AGPS: variants seen among roughly 807,000 people sequenced by gnomAD.
AGPS encodes alkyldihydroxyacetonephosphate synthase, peroxisomal.
AGPS carries 26 observed loss-of-function variants against 90.7 expected under a neutral mutation model. That is an observed-to-expected ratio of 0.29 (90% confidence interval 0.21 to 0.40). The LOEUF is 0.40. Among genes scored for constraint, AGPS ranks in the 10% least tolerant of loss-of-function variants. The probability of loss-of-function intolerance (pLI) is 1.00; values close to 1 mark genes in which losing one functional copy is unlikely to be tolerated. For missense variants in AGPS, 540 were observed against 816.1 expected (o/e 0.66, Z 4.12); for synonymous variants, 294 against 285.3 (o/e 1.03, Z -0.31).
chr2:177,487,149 C>T (rs1175300017), intron 11 of AGPS, among the ~76,000 whole-genome samples: 1 of 151,578 alleles, frequency 6.6e-6, no homozygotes, highest in East Asian at 1.9e-4. Flanking sequence ...AAAGGAAAAC[C>T]GAGTGTTAAA....
intron 1 of AGPS, among the ~76,000 whole-genome samples, 171 bp from the exon 2 acceptor site, chr2:177,420,097 TC>T (rs1685902794): frequency 6.6e-6 from 1 of 151,872 alleles, no homozygotes; most frequent in African/African-American, 2.4e-5. Context: ...GATTCTATAT[TC>T]AGAAATATTA....
chr2:177,436,058 C>G, intron 3 of AGPS, among the ~76,000 whole-genome samples: 1 of 148,318 alleles, frequency 6.7e-6, no homozygotes. Flanking sequence ...TAAAGCAGCT[C>G]TATAAAAATG....
At chr2:177,432,798 G>T (rs912140998) in intron 2 of AGPS, among the ~76,000 whole-genome samples, 17 of 152,162 alleles carry the variant, frequency 1.1e-4, no homozygotes, top group Non-Finnish European at 2.4e-4. Context: ...TGGCATCAGG[G>T]TCTGCTTCTG....
At chr2:177,439,245 C>T (rs572048453) in intron 5 of AGPS, among the ~76,000 whole-genome samples, 1 of 152,116 alleles carries the variant, frequency 6.6e-6, no homozygotes, top group Non-Finnish European at 1.5e-5. Flanking sequence ...AAGTGCCATA[C>T]AATTTACCGA....
At chr2:177,449,429 G>A (rs1686870622) in intron 8 of AGPS, among the ~76,000 whole-genome samples, 3 of 152,020 alleles carry the variant, frequency 2.0e-5, no homozygotes, top group South Asian at 4.1e-4. Context: ...GGTTTGTTTT[G>A]TTTTGTTTTT....
intron 14 of AGPS, among the ~76,000 whole-genome samples, chr2:177,503,794 C>A (rs1448197759): frequency 6.6e-6 from 1 of 150,910 alleles, no homozygotes; most frequent in Non-Finnish European, 1.5e-5. Context: ...CAGACTGACT[C>A]TACTTCTTTG....
At chr2:177,442,081 A>G (rs1262473676) in intron 6 of AGPS, among the ~76,000 whole-genome samples, 3 of 152,146 alleles carry the variant, frequency 2.0e-5, no homozygotes, top group Non-Finnish European at 4.4e-5. Flanking sequence ...TCTCCATGGT[A>G]ATTATCTGCT....
chr2:177,531,726 A>C (rs1305245977), intron 19 of AGPS, among the ~76,000 whole-genome samples: 1 of 152,208 alleles, frequency 6.6e-6, no homozygotes, highest in Non-Finnish European at 1.5e-5. Context: ...AAAAGCAGTC[A>C]ATCTACCTTA....
At chr2:177,525,559 TG>T (rs760124261) in intron 19 of AGPS, among the ~76,000 whole-genome samples, 1 of 152,158 alleles carries the variant, frequency 6.6e-6, no homozygotes, top group Non-Finnish European at 1.5e-5. Flanking sequence ...ATGGTAAATA[TG>T]GGGGAGAAGT....
At chr2:177,472,659 A>G (rs145822650) in intron 10 of AGPS, among the ~76,000 whole-genome samples, 84 of 152,142 alleles carry the variant, frequency 5.5e-4, no homozygotes, top group African/African-American at 1.9e-3. Context: ...AAGGGCTCCT[A>G]TTTTGAGAGT....
chr2:177,402,794 C>T lies in AGPS; in HGVS notation c.260+9745C>T, dbSNP rs560005811. On this transcript the variant is annotated intron_variant, in intron 1 of 19. Coordinates refer to ENST00000264167, the MANE Select transcript of AGPS (RefSeq NM_003659.4). ...TCTACTGGCTGGCCGCGGTGGCTCA[C>T]GCCTGTAATCCCAGCACTTTGGGAG... Among the ~76,000 whole-genome samples, 4 of 152,340 alleles carry T rather than the reference C, an allele frequency of 2.6e-5. No individual in the cohort carries two copies. In the East Asian group the frequency reaches 5.8e-4, roughly 22 times the overall value.
intron 8 of AGPS, among the ~76,000 whole-genome samples, chr2:177,447,993 C>G (rs1686826928): frequency 6.6e-6 from 1 of 152,080 alleles, no homozygotes; most frequent in East Asian, 1.9e-4. Context: ...GCTAACATGT[C>G]AATTATGGAT....
chr2:177,521,243 C>A, intron 17 of AGPS, 26 bp from the exon 18 acceptor site: 2 of 1,590,670 alleles, frequency 1.3e-6, no homozygotes, highest in Non-Finnish European at 1.7e-6. Context: ...CTTAAAGCCC[C>A]TGTGGGGATT....
chr2:177,474,658 T>C (rs1041923734), intron 10 of AGPS, among the ~76,000 whole-genome samples: 4 of 152,218 alleles, frequency 2.6e-5, no homozygotes, highest in Non-Finnish European at 4.4e-5. Context: ...GCCTCCTGTA[T>C]CTACCATAAC....
rs558868861 is a variant in AGPS at position 177,474,751 on chromosome 2, G to C, written c.1105+6227G>C. On this transcript the variant is annotated intron_variant, in intron 10 of 19. Transcript: ENST00000264167. ...CATTTAGAGCCAGTTCATTCTTTCT[G>C]ACAGCTGCATGATATTCCATTCATT... is the stretch of plus-strand genomic sequence containing the variant. Among the ~76,000 whole-genome samples, 106 of 152,242 alleles carry C rather than the reference G, an allele frequency of 7.0e-4. No homozygotes were observed. The Middle Eastern group carries it at 0.01, about 15-fold the overall frequency.
chr2:177,532,654 C>G (rs1019285442), intron 19 of AGPS, among the ~76,000 whole-genome samples: 4 of 152,034 alleles, frequency 2.6e-5, no homozygotes, highest in African/African-American at 9.7e-5. Context: ...ACATAAAAAC[C>G]TTAACATAAA....
chr2:177,514,049 C>T, intron 17 of AGPS, 141 bp downstream of exon 17: 1 of 675,646 alleles, frequency 1.5e-6, no homozygotes. Context: ...CACTTACCAC[C>T]TTGTTAGGAT....
intron 2 of AGPS, among the ~76,000 whole-genome samples, chr2:177,421,779 C>T (rs1643375244): frequency 6.6e-6 from 1 of 152,168 alleles, no homozygotes; most frequent in East Asian, 1.9e-4. Flanking sequence ...TTTTCAAAAT[C>T]TTCTGAAGGA....
intron 19 of AGPS, among the ~76,000 whole-genome samples, chr2:177,525,744 C>A (rs907546609): frequency 3.9e-5 from 6 of 152,086 alleles, no homozygotes; most frequent in Non-Finnish European, 7.4e-5. Context: ...TGGAAATGAC[C>A]AAATGACTGC....
Sources: gnomAD v4.1 joint callset for allele counts (sites outside exome capture counted in the v4.1 genomes callset) on GRCh38, gnomAD v4.1.1 for gene constraint, MANE v1.5 for transcripts, NCBI Gene and HGNC (gene_info 2026-07-23, HGNC 2026-07-21) for gene names.